The following TYW1 variants were observed in gnomAD, a reference collection of about 807,000 sequenced individuals.
The protein encoded by TYW1 is S-adenosyl-L-methionine-dependent tRNA 4-demethylwyosine synthase TYW1.
Under a neutral mutation model 96.2 loss-of-function variants are expected in TYW1, and 46 were observed. The observed-to-expected ratio is 0.48, with a 90% CI of 0.38 to 0.61. The LOEUF is 0.61. Ranked by LOEUF, TYW1 falls within the 20% of genes least tolerant of loss-of-function variation. The pLI, the probability that TYW1 is intolerant of heterozygous loss-of-function variation, is 0.00. For synonymous variants in TYW1, 274 were observed against 323.0 expected (o/e 0.85, Z 1.63); for missense variants, 684 against 909.6 (o/e 0.75, Z 3.19).
At chr7:67,052,010 A>G (rs1026299490) in intron 8 of TYW1, among the ~76,000 whole-genome samples, 2 of 152,150 alleles carry the variant, frequency 1.3e-5, no homozygotes, top group African/African-American at 2.4e-5. Context: ...GAGTTCAGCA[A>G]TCAGTCATCC....
At chr7:67,083,367 A>T in intron 10 of TYW1, 63 bp from the exon 11 acceptor site, 2 of 1,529,480 alleles carry the variant, frequency 1.3e-6, no homozygotes, top group Non-Finnish European at 1.8e-6. Flanking sequence ...TGACTTCATC[A>T]TAAATGACTA....
intron 10 of TYW1, among the ~76,000 whole-genome samples, chr7:67,072,841 C>T (rs1394686138): frequency 4.6e-5 from 7 of 151,474 alleles, no homozygotes; most frequent in African/African-American, 1.7e-4. Flanking sequence ...AATCATAGCT[C>T]ACTGGTACCT....
chr7:67,101,500 G>A (rs35814273), intron 12 of TYW1, among the ~76,000 whole-genome samples: 5 of 152,112 alleles, frequency 3.3e-5, no homozygotes, highest in East Asian at 3.9e-4. Flanking sequence ...ATTCGCACAC[G>A]CAGTCAGCTT....
rs539522488 is a variant in TYW1, at chr7:67,003,381, C to G, written c.273+4427C>G. ...AGATTCAGTTTCCAATCACTTCTTA[C>G]CACCTTCACTGCTACTCCCCTGGTC... On this transcript the variant is annotated intron_variant, in intron 3 of 15. Transcript: ENST00000359626. Among the ~76,000 whole-genome samples the G allele has an allele frequency of 2.1e-4, 32 of 151,870 alleles. No individual in the cohort carries two copies. In the Middle Eastern group the frequency reaches 0.01, roughly 48 times the overall value.
chr7:67,137,881 A>T (rs1195465830), intron 13 of TYW1, among the ~76,000 whole-genome samples: 2 of 152,202 alleles, frequency 1.3e-5, no homozygotes, highest in Non-Finnish European at 2.9e-5. Flanking sequence ...GCCACTGCCG[A>T]AAACAACCTC....
rs1314846671 is a variant in TYW1, at chr7:67,195,304, A to T, written c.1944A>T (p.Glu648Asp). ...IPEYEIACEH[E>D]HSNCLLIAHR... The stretch of plus-strand genomic sequence containing the variant: ...AATATGAAATTGCATGTGAACACGA[A>T]CACTCTAATTGCCTCCTGATAGCAC... Residue 648 changes from glutamate (E) to aspartate (D), a missense_variant, in exon 15 of 16, where the codon GAA becomes GAT. Glu to Asp is a conservative substitution (Grantham distance 45). Coordinates refer to ENST00000359626, the MANE Select transcript of TYW1 (RefSeq NM_018264.4). The T allele has an allele frequency of 6.2e-7, 1 of 1,613,488 alleles. No individual in the cohort carries two copies. Among genetic ancestry groups the T allele is most frequent in the East Asian group, 2.2e-5 (1 of 44,872 alleles).
At chr7:67,109,880 A>C (rs1425843442) in intron 12 of TYW1, among the ~76,000 whole-genome samples, 1 of 152,186 alleles carries the variant, frequency 6.6e-6, no homozygotes, top group East Asian at 1.9e-4. Context: ...ACTCCCTTTC[A>C]AAAGAAAATA....
At chr7:67,143,347 G>A (rs140471154) in intron 13 of TYW1, among the ~76,000 whole-genome samples, 14,527 of 152,250 alleles carry the variant, frequency 0.095, 789 homozygotes, top group Middle Eastern at 0.14. Context: ...ATTGACATCA[G>A]AAAAGGCATT....
intron 15 of TYW1, among the ~76,000 whole-genome samples, chr7:67,221,351 A>G (rs1193011759): frequency 1.3e-5 from 2 of 152,176 alleles, no homozygotes; most frequent in Admixed American, 1.3e-4. Context: ...ACCTTTTTCC[A>G]TCCTTTCCCT....
intron 15 of TYW1, among the ~76,000 whole-genome samples, chr7:67,214,036 A>G (rs565395867): frequency 5.6e-4 from 85 of 152,234 alleles, no homozygotes; most frequent in Admixed American, 9.8e-4. Flanking sequence ...CAGTTTGTCA[A>G]TGTCTACAAA....
intron 6 of TYW1, among the ~76,000 whole-genome samples, chr7:67,020,635 G>A (rs1399530938): frequency 2.6e-5 from 4 of 152,384 alleles, no homozygotes; most frequent in East Asian, 1.9e-4. Flanking sequence ...TGCTTAGTGT[G>A]ACCTTAGCAC....
chr7:67,137,339 G>A (rs1368214783), intron 13 of TYW1, among the ~76,000 whole-genome samples: 1 of 151,988 alleles, frequency 6.6e-6, no homozygotes, highest in Non-Finnish European at 1.5e-5. Context: ...TTTTAAGCCA[G>A]GCATGGTGGC....
intron 13 of TYW1, among the ~76,000 whole-genome samples, chr7:67,137,105 G>A (rs1187521782): frequency 6.6e-6 from 1 of 151,670 alleles, no homozygotes; most frequent in Non-Finnish European, 1.5e-5. Flanking sequence ...GAGCCACCGC[G>A]CCTGGCCTTT....
chr7:67,086,123 T>C (rs1796542946), intron 11 of TYW1, among the ~76,000 whole-genome samples: 1 of 152,222 alleles, frequency 6.6e-6, no homozygotes, highest in South Asian at 2.1e-4. Context: ...ATTTCTCATC[T>C]TGATTTTTAG....
rs186732421 is a variant in TYW1 at position 67,069,914 on chromosome 7, G to A, written c.1274+2511G>A. 2.1e-3 allele frequency among the ~76,000 whole-genome samples: 317 copies of A among 152,232 alleles called. 1 individual carries two copies. Among genetic ancestry groups the A allele is most frequent in the African/African-American group, 7.3e-3 (303 of 41,540 alleles). On this transcript the variant is annotated intron_variant, in intron 10 of 15. Transcript: ENST00000359626. ...GGACTCCCTTTAGTATTTATCGTAG[G>A]GCAGGTCTGTTAGCAGTGAACTCCC...
intron 13 of TYW1, among the ~76,000 whole-genome samples, chr7:67,130,728 G>A (rs761299194): frequency 3.8e-4 from 57 of 151,686 alleles, no homozygotes; most frequent in Non-Finnish European, 7.2e-4. Flanking sequence ...TCTTCTTACT[G>A]TCTGAATAAT....
At chr7:67,134,222 C>T (rs1241168332) in intron 13 of TYW1, among the ~76,000 whole-genome samples, 2 of 152,008 alleles carry the variant, frequency 1.3e-5, no homozygotes, top group Non-Finnish European at 2.9e-5. Context: ...TCACCTTGGG[C>T]TAGGTGAAAT....
chr7:67,079,797 TC>T (rs2115749436), intron 10 of TYW1, among the ~76,000 whole-genome samples: 1 of 152,270 alleles, frequency 6.6e-6, no homozygotes, highest in East Asian at 1.9e-4. Context: ...GCTTCTATTT[TC>T]ATTTGTTTCA....
intron 3 of TYW1, among the ~76,000 whole-genome samples, chr7:67,007,972 A>G (rs1434144236): frequency 1.3e-5 from 2 of 151,942 alleles, no homozygotes; most frequent in African/African-American, 2.4e-5. Context: ...CATGCTTACT[A>G]TTGGGAGTTA....
Sources: allele counts gnomAD v4.1 joint callset (sites outside exome capture counted in the v4.1 genomes callset), GRCh38; gene constraint gnomAD v4.1.1; transcripts MANE v1.5; gene names NCBI Gene and HGNC (gene_info 2026-07-23, HGNC 2026-07-21).